NUTF2: variants seen among roughly 807,000 people sequenced by gnomAD.
NUTF2 encodes nuclear transport factor 2.
In NUTF2, 3 loss-of-function variants were observed where a neutral mutation model predicts 18.5. That is an observed-to-expected ratio of 0.16 (90% CI 0.07 to 0.42). The LOEUF (loss-of-function observed/expected upper bound fraction) is 0.42. Ranked by LOEUF, NUTF2 falls within the 10% of genes least tolerant of loss-of-function variation. The probability of loss-of-function intolerance (pLI) is 0.99; values close to 1 mark genes in which losing one functional copy is unlikely to be tolerated. For synonymous variants in NUTF2, 51 were observed against 57.9 expected (o/e 0.88, Z 0.54); for missense variants, 44 against 160.7 (o/e 0.27, Z 3.93).
rs748877034 is a variant in NUTF2, at chr16:67,868,360, G to C, written c.120G>C (p.Thr40=). The C allele has an allele frequency of 6.2e-7, 1 of 1,614,064 alleles. No homozygotes were observed. The highest frequency in any genetic ancestry group is 2.2e-5 in the East Asian group (1 of 44,870). ...GAIYIDASCL[T]WEGQQFQGKA... The stretch of plus-strand genomic sequence containing the variant: ...TTCAGATTGACGCGTCATGCCTTAC[G>C]TGGGAAGGACAACAGTTCCAGGGGA... Residue 40 remains threonine, a synonymous_variant, in exon 3 of 5, where the codon ACG becomes ACC. Coordinates refer to ENST00000219169, the MANE Select transcript of NUTF2 (RefSeq NM_005796.3).
Position 67,854,923 on chromosome 16 carries a change from C to T in NUTF2, c.-30+7938C>T, listed in dbSNP as rs148465634. 6.1e-3 allele frequency among the ~76,000 whole-genome samples: 921 copies of T among 151,740 alleles called. 7 individuals carry two copies. The highest frequency in any genetic ancestry group is 0.021 in the African/African-American group (852 of 41,372). The stretch of plus-strand genomic sequence containing the variant: ...CGCCACTGCACTCCAGCCTGGGCGA[C>T]AAAGGGAGATCTCTGTCTTTAAAAA... On this transcript the variant is annotated intron_variant, in intron 1 of 4. Coordinates refer to ENST00000219169, the MANE Select transcript of NUTF2 (RefSeq NM_005796.3).
chr16:67,862,549 C>T (rs1598165910), intron 1 of NUTF2, among the ~76,000 whole-genome samples: 1 of 152,150 alleles, frequency 6.6e-6, no homozygotes, highest in African/African-American at 2.4e-5. Context: ...AGAAAGTTAT[C>T]ACAGGCCAGT....
At chr16:67,857,036 C>T (rs2057902756) in intron 1 of NUTF2, among the ~76,000 whole-genome samples, 1 of 152,228 alleles carries the variant, frequency 6.6e-6, no homozygotes, top group Non-Finnish European at 1.5e-5. Flanking sequence ...ATGGTCATCC[C>T]TTTATTCCCT....
At chr16:67,855,965 TG>T in intron 1 of NUTF2, 1 of 1,199,564 alleles carries the variant, frequency 8.3e-7, no homozygotes, top group Non-Finnish European at 1.2e-6. Flanking sequence ...TCAGAACTTC[TG>T]GAACTGCTTC....
At chr16:67,851,193 A>G (rs1361667319) in intron 1 of NUTF2, among the ~76,000 whole-genome samples, 1 of 152,006 alleles carries the variant, frequency 6.6e-6, no homozygotes, top group African/African-American at 2.4e-5. Flanking sequence ...TAAGAGAGAC[A>G]CAGAATAGGC....
At chr16:67,856,806 G>A (rs145845256) in intron 1 of NUTF2, among the ~76,000 whole-genome samples, 84 of 152,296 alleles carry the variant, frequency 5.5e-4, no homozygotes, top group African/African-American at 1.8e-3. Context: ...CACTGTGCCC[G>A]GCCCCATCTC....
At chr16:67,869,035 T>C (rs1437424633) in intron 4 of NUTF2, among the ~76,000 whole-genome samples, 1 of 151,526 alleles carries the variant, frequency 6.6e-6, no homozygotes, top group Non-Finnish European at 1.5e-5. Context: ...TCAGGCTGGC[T>C]GCTGGCTCCT....
chr16:67,868,435 T>G (rs2057989257), intron 3 of NUTF2, 24 bp downstream of exon 3: 2 of 1,613,772 alleles, frequency 1.2e-6, no homozygotes, highest in Non-Finnish European at 8.5e-7. Flanking sequence ...AAAGCCAGGG[T>G]GCAGGTGGCT....
At chr16:67,863,626 C>G (rs1377307415) in intron 1 of NUTF2, among the ~76,000 whole-genome samples, 1 of 152,178 alleles carries the variant, frequency 6.6e-6, no homozygotes, top group Non-Finnish European at 1.5e-5. Flanking sequence ...GTGGAGGAGG[C>G]TGAGGCCCTA....
chr16:67,855,738 A>G (rs2057891228), intron 1 of NUTF2, among the ~76,000 whole-genome samples: 1 of 152,144 alleles, frequency 6.6e-6, no homozygotes, highest in South Asian at 2.1e-4. Flanking sequence ...AGGAGAATGC[A>G]AATTCTCAGT....
intron 1 of NUTF2, among the ~76,000 whole-genome samples, chr16:67,848,026 C>A (rs2057820412): frequency 6.6e-6 from 1 of 152,204 alleles, no homozygotes; most frequent in African/African-American, 2.4e-5. Flanking sequence ...TTGCTCACTT[C>A]CCAACAACTG....
At position 67,868,894 on chromosome 16, in the gene NUTF2, G is replaced by C. The variant is rs1435708347; in HGVS notation, c.270+295G>C. On this transcript the variant is annotated intron_variant, in intron 4 of 4. Coordinates refer to ENST00000219169, the MANE Select transcript of NUTF2 (RefSeq NM_005796.3). ...TGGTCTAGAGCCTTTATCTGGAAAA[G>C]GGAGAAGTATAGGAGTAGGATGGGA... 1.4e-5 allele frequency: 4 copies of C among 289,164 alleles called. No homozygotes were observed. The South Asian group carries it at 1.4e-4, about 10-fold the overall frequency. 17.9% of individuals were successfully genotyped at this position (289,164 alleles called of 1,614,324 possible).
At chr16:67,863,367 G>T (rs539773653) in intron 1 of NUTF2, among the ~76,000 whole-genome samples, 4 of 152,066 alleles carry the variant, frequency 2.6e-5, no homozygotes, top group African/African-American at 9.7e-5. Context: ...CCTCCTAGGG[G>T]ACCTAAAATA....
chr16:67,851,050 C>G (rs1248574489), intron 1 of NUTF2, among the ~76,000 whole-genome samples: 1 of 152,006 alleles, frequency 6.6e-6, no homozygotes, highest in Non-Finnish European at 1.5e-5. Context: ...ACCCACTCGC[C>G]TTGGCTGCCC....
intron 1 of NUTF2, chr16:67,847,316 T>G (rs1219923455): frequency 6.6e-6 from 1 of 152,304 alleles, no homozygotes; most frequent in Non-Finnish European, 1.5e-5. Flanking sequence ...CCCCGCCCCG[T>G]CTAGCCTGGC....
intron 4 of NUTF2, 199 bp downstream of exon 4, chr16:67,868,798 A>G: frequency 2.0e-6 from 1 of 502,892 alleles, no homozygotes; most frequent in Non-Finnish European, 3.6e-6. Context: ...GATTAAATAA[A>G]ATGTACTTCT....
chr16:67,851,539 G>A (rs2057857558), intron 1 of NUTF2, among the ~76,000 whole-genome samples: 4 of 151,982 alleles, frequency 2.6e-5, no homozygotes, highest in Middle Eastern at 6.8e-3. Context: ...TAAGTTCTAG[G>A]GTACATGTGT....
chr16:67,855,090 A>G (rs1410450629), intron 1 of NUTF2, among the ~76,000 whole-genome samples: 2 of 151,832 alleles, frequency 1.3e-5, no homozygotes, highest in Non-Finnish European at 2.9e-5. Context: ...TGAGTTGGCT[A>G]CCCCTTTCCT....
At chr16:67,859,979 T>A (rs555267046) in intron 1 of NUTF2, among the ~76,000 whole-genome samples, 528 of 150,668 alleles carry the variant, frequency 3.5e-3, no homozygotes, top group Middle Eastern at 0.014. Flanking sequence ...TTTTATTATT[T>A]TTTTTTTTCT....
Sources: gnomAD v4.1 joint callset for allele counts (sites outside exome capture counted in the v4.1 genomes callset) on GRCh38, gnomAD v4.1.1 for gene constraint, MANE v1.5 for transcripts, NCBI Gene and HGNC (gene_info 2026-07-23, HGNC 2026-07-21) for gene names.